OR4Q3: variants seen among roughly 807,000 people sequenced by gnomAD.
The protein encoded by OR4Q3 is olfactory receptor family 4 subfamily Q member 3.
OR4Q3 carries 17 observed loss-of-function variants against 18.8 expected under a neutral mutation model. That is an observed-to-expected ratio of 0.91 (90% CI 0.62 to 1.36). The LOEUF is 1.36. OR4Q3 is among the 40% of genes most tolerant of loss of function. The probability of loss-of-function intolerance (pLI) is 0.00; values close to 1 mark genes in which losing one functional copy is unlikely to be tolerated. For synonymous variants in OR4Q3, 158 were observed against 145.8 expected (o/e 1.08, Z -0.60); for missense variants, 378 against 373.4 (o/e 1.01, Z -0.10).
chr14:19,748,418 CTCT>C, exon 2 of OR4Q3: 1 of 1,391,064 alleles, frequency 7.2e-7, no homozygotes, highest in Non-Finnish European at 9.9e-7. Context: ...TCTTGGAAGA[CTCT>C]TAACTCATCT....
At chr14:19,750,384 G>A, downstream of OR4Q3, among the ~76,000 whole-genome samples, 1 of 152,210 alleles carries the variant, frequency 6.6e-6, no homozygotes, top group Non-Finnish European at 1.5e-5. Flanking sequence ...ATCCATCTCT[G>A]ACATAGGATC....
chr14:19,745,128 TTA>T, intron 1 of OR4Q3, among the ~76,000 whole-genome samples: 1 of 152,208 alleles, frequency 6.6e-6, no homozygotes, highest in Admixed American at 6.5e-5. Flanking sequence ...TATTTTTATC[TTA>T]TGTGATTGTA....
chr14:19,747,346 A>G, intron 1 of OR4Q3, 60 bp from the exon 2 acceptor site: 11 of 889,828 alleles, frequency 1.2e-5, no homozygotes, highest in African/African-American at 1.7e-5. Context: ...CTATATGTAT[A>G]TAGTGTACAC....
chr14:19,745,205 A>G, intron 1 of OR4Q3, among the ~76,000 whole-genome samples: 1 of 152,192 alleles, frequency 6.6e-6, no homozygotes, highest in Non-Finnish European at 1.5e-5. Flanking sequence ...TGTCCAGAAT[A>G]TTTATAGTAC....
downstream of OR4Q3, among the ~76,000 whole-genome samples, chr14:19,751,533 GTTT>G: frequency 2.7e-5 from 4 of 147,478 alleles, no homozygotes; most frequent in Admixed American, 6.8e-5. Flanking sequence ...GGTTAGTAGA[GTTT>G]TTTTTTTTTA....
At chr14:19,746,645 A>G in intron 1 of OR4Q3, among the ~76,000 whole-genome samples, 1 of 152,160 alleles carries the variant, frequency 6.6e-6, no homozygotes, top group Non-Finnish European at 1.5e-5. Context: ...ATTGCTTCTT[A>G]CCTCATTTTT....
exon 2 of OR4Q3, chr14:19,748,057 C>G: frequency 1.9e-6 from 3 of 1,614,070 alleles, no homozygotes; most frequent in Non-Finnish European, 2.5e-6. Context: ...TGTCTCTTGT[C>G]TGCTTCTTGG....
chr14:19,743,574 C>T (rs1193589958), exon 1 of OR4Q3: 1 of 152,406 alleles, frequency 6.6e-6, no homozygotes, highest in African/African-American at 2.4e-5. Flanking sequence ...GAGGATAGCC[C>T]ATTTTGCTGG....
chr14:19,745,289 A>G, intron 1 of OR4Q3, among the ~76,000 whole-genome samples: 16 of 152,208 alleles, frequency 1.1e-4, no homozygotes, highest in African/African-American at 3.9e-4. Context: ...GTTTGTAGTA[A>G]TTTGGGTTAA....
At chr14:19,748,384 A>C in exon 2 of OR4Q3, 2 of 1,563,166 alleles carry the variant, frequency 1.3e-6, no homozygotes, top group African/African-American at 2.7e-5. Context: ...TGAGCAGAAG[A>C]GGTGATTTGA....
Position 19,747,874 on chromosome 14 carries a change from C to A in OR4Q3, c.471C>A (p.Cys157Ter). The stretch of plus-strand genomic sequence containing the variant: ...TATGCCTTTGGTTGGTTCTTGCCTG[C>A]TGGTGTGGGGGTTTTATCCACTCTA... Residue 157 changes from cysteine (C) to a stop codon, truncating the protein, a stop_gained, in exon 2 of 2, where the codon TGC becomes TGA. Transcript: ENST00000642117. LOFTEE classifies it high-confidence loss of function. 3 of 1,613,898 alleles carry A rather than the reference C, an allele frequency of 1.9e-6. No individual in the cohort carries two copies. The highest frequency in any genetic ancestry group is 2.7e-5 in the African/African-American group (2 of 74,918).
chr14:19,746,441 T>C, intron 1 of OR4Q3, among the ~76,000 whole-genome samples: 1 of 152,170 alleles, frequency 6.6e-6, no homozygotes, highest in East Asian at 1.9e-4. Flanking sequence ...CTATGGTTGT[T>C]GAAAAGTCCA....
In OR4Q3 at chr14:19,748,212, C is replaced by T; in HGVS notation, c.809C>T (p.Pro270Leu). The T allele has an allele frequency of 4.2e-5, 68 of 1,613,954 alleles. No individual in the cohort carries two copies. The highest frequency in any genetic ancestry group is 8.0e-5 in the African/African-American group (6 of 74,924). Residue 270 changes from proline to leucine, a missense_variant, in exon 2 of 2, where the codon CCT (proline) becomes CTT (leucine). By Grantham distance (98) the Pro-to-Leu change is moderately conservative. Coordinates refer to ENST00000642117, the Ensembl canonical transcript of OR4Q3. ...CCATGCGTATTCATCTATTTGAGGCCTTTCTGCAGCTTCTCTGTGGATAAG... is the reference window on the plus strand; with the variant it reads ...CCATGCGTATTCATCTATTTGAGGCTTTTCTGCAGCTTCTCTGTGGATAAG...
downstream of OR4Q3, among the ~76,000 whole-genome samples, chr14:19,749,927 C>T: frequency 7.7e-6 from 1 of 129,550 alleles, no homozygotes; most frequent in African/African-American, 2.9e-5. Context: ...CTTTCTTTCT[C>T]TCTCTCTTTC....
exon 2 of OR4Q3, chr14:19,747,904 G>A: frequency 6.2e-7 from 1 of 1,613,886 alleles, no homozygotes. Context: ...ACTCTATCAT[G>A]CAGGTCATAC....
downstream of OR4Q3, among the ~76,000 whole-genome samples, chr14:19,749,640 C>CAAAAA: frequency 2.1e-4 from 23 of 107,522 alleles, no homozygotes; most frequent in African/African-American, 2.8e-4. Context: ...AAAAAGAAAG[C>CAAAAA]AAGCTAATAA....
Position 19,747,437 on chromosome 14 carries a change from G to A in OR4Q3, c.34G>A (p.Glu12Lys). The A allele has an allele frequency of 2.5e-6, 4 of 1,598,374 alleles. No individual in the cohort carries two copies. The South Asian group carries it at 4.5e-5, about 18-fold the overall frequency. Residue 12 changes from glutamate to lysine, a missense_variant, in exon 2 of 2, where the codon GAA becomes AAA. Transcript: ENST00000642117. The stretch of plus-strand genomic sequence containing the variant: ...TGATATTCTTGGCTTGATGAAAAAA[G>A]AACAAGATTCTAATGTGACAGAATT...
chr14:19,748,885 G>T, exon 2 of OR4Q3: 8 of 156,914 alleles, frequency 5.1e-5, no homozygotes, highest in Non-Finnish European at 9.9e-5. Flanking sequence ...ATTTACCTCA[G>T]AACTGTGTTC....
chr14:19,752,241 G>A, downstream of OR4Q3, among the ~76,000 whole-genome samples: 8 of 152,194 alleles, frequency 5.3e-5, no homozygotes, highest in Non-Finnish European at 7.3e-5. Flanking sequence ...ACAACTTACC[G>A]AATGGGAGAA....
Sources: allele counts gnomAD v4.1 joint callset (sites outside exome capture counted in the v4.1 genomes callset), GRCh38; gene constraint gnomAD v4.1.1; transcripts MANE v1.5; gene names NCBI Gene and HGNC (gene_info 2026-07-23, HGNC 2026-07-21).